Variants in ROBO1 observed in about 807,000 individuals in gnomAD.
ROBO1 encodes roundabout homolog 1.
ROBO1 carries 149 observed loss-of-function variants against 195.9 expected under a neutral mutation model. The observed-to-expected ratio is 0.76, with a 90% CI of 0.67 to 0.87. ROBO1 has a LOEUF of 0.87. ROBO1 is among the 40% of genes least tolerant of loss of function. ROBO1 has a pLI of 0.00. For missense variants in ROBO1, 1,933 were observed against 2,068.3 expected (o/e 0.93, Z 1.27); for synonymous variants, 816 against 733.2 (o/e 1.11, Z -1.82).
At chr3:79,204,805 T>G (rs2081835846) in intron 2 of ROBO1, among the ~76,000 whole-genome samples, 1 of 152,216 alleles carries the variant, frequency 6.6e-6, no homozygotes, top group Non-Finnish European at 1.5e-5. Flanking sequence ...TTTGAGCATA[T>G]TTCATGTTTG....
At chr3:79,042,966 T>C (rs907678070) in intron 3 of ROBO1, among the ~76,000 whole-genome samples, 1 of 152,180 alleles carries the variant, frequency 6.6e-6, no homozygotes, top group African/African-American at 2.4e-5. Flanking sequence ...ATTTTCACCA[T>C]ACCCTTAATT....
chr3:79,270,035 T>C (rs2030378906), intron 2 of ROBO1, among the ~76,000 whole-genome samples: 1 of 151,850 alleles, frequency 6.6e-6, no homozygotes, highest in Non-Finnish European at 1.5e-5. Context: ...ATACAAAGTG[T>C]CTGCTGCTGC....
At chr3:79,704,274 A>C (rs1382081038) in intron 1 of ROBO1, among the ~76,000 whole-genome samples, 2 of 152,004 alleles carry the variant, frequency 1.3e-5, no homozygotes, top group African/African-American at 4.8e-5. Flanking sequence ...TTATAACAGC[A>C]TGAATCCACC....
intron 4 of ROBO1, among the ~76,000 whole-genome samples, chr3:78,919,553 C>A (rs1311678699): frequency 2.0e-5 from 3 of 152,154 alleles, no homozygotes; most frequent in Non-Finnish European, 4.4e-5. Context: ...GTGGATTGTC[C>A]TGTCAATATC....
intron 2 of ROBO1, among the ~76,000 whole-genome samples, chr3:79,156,077 C>T (rs1244152222): frequency 6.6e-6 from 1 of 151,658 alleles, no homozygotes; most frequent in African/African-American, 2.4e-5. Context: ...CCTAAACACC[C>T]TTAGTCCTAG....
At chr3:79,081,276 C>T (rs1208552540) in intron 3 of ROBO1, among the ~76,000 whole-genome samples, 1 of 151,846 alleles carries the variant, frequency 6.6e-6, no homozygotes, top group African/African-American at 2.4e-5. Flanking sequence ...TAAGATGCTG[C>T]CATTGCATTA....
chr3:79,548,071 C>T (rs969962574), intron 2 of ROBO1, among the ~76,000 whole-genome samples: 2 of 152,134 alleles, frequency 1.3e-5, no homozygotes, highest in African/African-American at 2.4e-5. Flanking sequence ...AAGCACCCAT[C>T]GTCATTCCTG....
intron 5 of ROBO1, among the ~76,000 whole-genome samples, chr3:78,733,245 C>T (rs564128709): frequency 6.6e-6 from 1 of 152,094 alleles, no homozygotes; most frequent in South Asian, 2.1e-4. Context: ...AAAAGGAAAT[C>T]TCAATCCCCT....
Position 78,781,822 on chromosome 3 carries a change from A to T in ROBO1, c.500-34922T>A, listed in dbSNP as rs562395904. ...GTGCTTAAAATTTTAATAAAATCAC[A>T]TATGATGTTTAAAATATACATAATA... On this transcript the variant is annotated intron_variant, in intron 4 of 30. Transcript: ENST00000464233. 9.2e-5 allele frequency among the ~76,000 whole-genome samples: 14 copies of T among 152,334 alleles called. No homozygotes were observed. The East Asian group carries it at 2.7e-3, about 29-fold the overall frequency.
intron 2 of ROBO1, among the ~76,000 whole-genome samples, chr3:79,550,218 AAAGAAAAG>A (rs1477208089): frequency 1.4e-5 from 2 of 146,122 alleles, no homozygotes; most frequent in South Asian, 2.1e-4. Flanking sequence ...AAAGAAAAGA[AAAGAAAAG>A]AAAAGAAAAG....
chr3:78,853,310 A>G (rs1054573462), intron 4 of ROBO1, among the ~76,000 whole-genome samples: 2 of 151,190 alleles, frequency 1.3e-5, no homozygotes, highest in African/African-American at 4.9e-5. Context: ...GGAGCAGCAA[A>G]TACACATACA....
At chr3:79,751,865 T>C (rs1704142833) in intron 1 of ROBO1, among the ~76,000 whole-genome samples, 1 of 152,144 alleles carries the variant, frequency 6.6e-6, no homozygotes. Context: ...AGGTGCACAG[T>C]CTTACCATTA....
intron 2 of ROBO1, among the ~76,000 whole-genome samples, chr3:79,416,803 T>C (rs1415524938): frequency 2.0e-5 from 3 of 152,120 alleles, no homozygotes; most frequent in Non-Finnish European, 2.9e-5. Flanking sequence ...TAGGATAATG[T>C]ACTTGTCTGG....
In ROBO1 at chr3:79,576,047, A is replaced by G. The variant is rs80226681; in HGVS notation, c.88+13777T>C. On this transcript the variant is annotated intron_variant, in intron 2 of 30. Coordinates refer to ENST00000464233, the MANE Select transcript of ROBO1 (RefSeq NM_002941.4). ...AAGTTATATCACATCTGTTTGTCAT[A>G]ACATATTATGACTTCTCTATACAGC... Among the ~76,000 whole-genome samples, 656 of 152,066 alleles carry G rather than the reference A, an allele frequency of 4.3e-3. 5 individuals carry two copies. Among genetic ancestry groups the G allele is most frequent in the Non-Finnish European group, 6.7e-3 (452 of 67,888 alleles).
intron 3 of ROBO1, among the ~76,000 whole-genome samples, chr3:78,977,891 G>A (rs2076915984): frequency 6.6e-6 from 1 of 152,000 alleles, no homozygotes; most frequent in South Asian, 2.1e-4. Context: ...TATCTATATA[G>A]TAAGCTGTTT....
chr3:79,258,284 C>T (rs1230325006), intron 2 of ROBO1, among the ~76,000 whole-genome samples: 2 of 152,058 alleles, frequency 1.3e-5, no homozygotes, highest in Non-Finnish European at 2.9e-5. Flanking sequence ...ATTTTTTTCT[C>T]AGAAAATAGT....
chr3:78,832,084 G>C (rs1467740851), intron 4 of ROBO1, among the ~76,000 whole-genome samples: 2 of 152,074 alleles, frequency 1.3e-5, no homozygotes, highest in African/African-American at 4.8e-5. Context: ...TGCACACATG[G>C]GGGTTAATTT....
chr3:78,750,609 C>A lies in ROBO1; in HGVS notation c.500-3709G>T, dbSNP rs141941912. Reference sequence around the variant, plus strand: ...ACACAATTCTCAAAATAAGTAAACACGTTTTCAGAAAAGAATTCTAAAATT... The same window carrying A: ...ACACAATTCTCAAAATAAGTAAACAAGTTTTCAGAAAAGAATTCTAAAATT... On this transcript the variant is annotated intron_variant, in intron 4 of 30. Transcript: ENST00000464233. 1.9e-3 allele frequency among the ~76,000 whole-genome samples: 287 copies of A among 152,060 alleles called. 2 individuals carry two copies. The highest frequency in any genetic ancestry group is 6.5e-3 in the African/African-American group (271 of 41,494).
chr3:79,119,465 G>C (rs1199447405), intron 3 of ROBO1, among the ~76,000 whole-genome samples: 1 of 152,096 alleles, frequency 6.6e-6, no homozygotes, highest in East Asian at 1.9e-4. Context: ...TTGCTTGCTT[G>C]CATATTTTCC....
Sources: allele counts gnomAD v4.1 joint callset (sites outside exome capture counted in the v4.1 genomes callset), GRCh38; gene constraint gnomAD v4.1.1; transcripts MANE v1.5; gene names NCBI Gene and HGNC (gene_info 2026-07-23, HGNC 2026-07-21).